ABCG2: variants seen among roughly 807,000 people sequenced by gnomAD.
ABCG2 encodes ATP binding cassette subfamily G member 2 (JR blood group), also known as broad substrate specificity ATP-binding cassette transporter ABCG2.
In ABCG2, 80 loss-of-function variants were observed where a neutral mutation model predicts 73.5. That is an observed-to-expected ratio of 1.09 (90% CI 0.91 to 1.31). The LOEUF is 1.31. Ranked by LOEUF, ABCG2 falls within the 50% of genes most tolerant of loss-of-function variation. The pLI, the probability that ABCG2 is intolerant of heterozygous loss-of-function variation, is 0.00. For synonymous variants in ABCG2, 269 were observed against 282.4 expected (o/e 0.95, Z 0.48); for missense variants, 796 against 786.2 (o/e 1.01, Z -0.15).
chr4:88,093,358 G>A lies in ABCG2; in HGVS notation c.1821-977C>T, dbSNP rs577785895. On this transcript the variant is annotated intron_variant, in intron 15 of 15. Coordinates refer to ENST00000237612, the MANE Select transcript of ABCG2 (RefSeq NM_004827.3). ...TCTCTACTAAAAATACAAAAAATTA[G>A]CCAGGTGTGGTGGTGGGCACCTGTA... Among the ~76,000 whole-genome samples, 7 of 152,136 alleles carry A rather than the reference G, an allele frequency of 4.6e-5. No homozygotes were observed. The East Asian group carries it at 1.4e-3, about 29-fold the overall frequency.
chr4:88,140,929 A>G (rs1725594983), intron 1 of ABCG2, among the ~76,000 whole-genome samples: 1 of 152,202 alleles, frequency 6.6e-6, no homozygotes, highest in Non-Finnish European at 1.5e-5. Flanking sequence ...ATTTAAAACA[A>G]AAAAGAATAT....
At chr4:88,147,054 G>GAAAGAAAGAAAGAAAGAAAA (rs1560713877) in intron 1 of ABCG2, among the ~76,000 whole-genome samples, 14 of 82,254 alleles carry the variant, frequency 1.7e-4, no homozygotes, top group African/African-American at 7.4e-4. Context: ...AGAAAAGAAA[G>GAAAGAAAGAAAGAAAGAAAA]GTAAAGGAAA....
intron 1 of ABCG2, among the ~76,000 whole-genome samples, chr4:88,211,363 A>ACCCCCC (rs34198736): frequency 8.4e-5 from 4 of 47,546 alleles, no homozygotes; most frequent in Non-Finnish European, 1.6e-4. Flanking sequence ...CCCCTGCCCC[A>ACCCCCC]CCCCCCCCCA....
At chr4:88,218,365 T>G (rs1321938039) in intron 1 of ABCG2, among the ~76,000 whole-genome samples, 5 of 152,226 alleles carry the variant, frequency 3.3e-5, no homozygotes, top group African/African-American at 1.2e-4. Flanking sequence ...GTATTTCTAT[T>G]TCATTCACTG....
At chr4:88,206,545 T>C (rs1422083399) in intron 1 of ABCG2, 1 of 152,198 alleles carries the variant, frequency 6.6e-6, no homozygotes, top group Non-Finnish European at 1.5e-5. Flanking sequence ...TGTCCTTTCA[T>C]ACAACACTCC....
intron 5 of ABCG2, among the ~76,000 whole-genome samples, chr4:88,130,644 A>G (rs1477901387): frequency 6.6e-6 from 1 of 152,132 alleles, no homozygotes; most frequent in Non-Finnish European, 1.5e-5. Flanking sequence ...GACTCTCATC[A>G]CTTATCAATC....
At chr4:88,126,797 A>G (rs1280012950) in intron 5 of ABCG2, among the ~76,000 whole-genome samples, 1 of 152,208 alleles carries the variant, frequency 6.6e-6, no homozygotes, top group East Asian at 1.9e-4. Flanking sequence ...AGAGCTATTT[A>G]TGACAAACCC....
At chr4:88,112,056 A>G (rs1723168800) in intron 9 of ABCG2, among the ~76,000 whole-genome samples, 1 of 151,718 alleles carries the variant, frequency 6.6e-6, no homozygotes, top group Admixed American at 6.6e-5. Context: ...ACTGCACTCC[A>G]GTATGAGTGA....
chr4:88,173,099 T>C (rs2110094512), intron 1 of ABCG2, among the ~76,000 whole-genome samples: 1 of 152,334 alleles, frequency 6.6e-6, no homozygotes, highest in South Asian at 2.1e-4. Context: ...TTTCTAACAC[T>C]GCAATATTGC....
At chr4:88,153,809 A>G (rs998618156) in intron 1 of ABCG2, among the ~76,000 whole-genome samples, 1 of 152,140 alleles carries the variant, frequency 6.6e-6, no homozygotes, top group Non-Finnish European at 1.5e-5. Flanking sequence ...CTAATTTGCC[A>G]GTCCTGGGCA....
chr4:88,197,997 T>C (rs1413737353), intron 1 of ABCG2, among the ~76,000 whole-genome samples: 5 of 143,840 alleles, frequency 3.5e-5, no homozygotes, highest in African/African-American at 1.3e-4. Flanking sequence ...ACCACTGCAC[T>C]CCAGCCTGAG....
At chr4:88,166,586 G>A (rs1258777656) in intron 1 of ABCG2, among the ~76,000 whole-genome samples, 1 of 152,148 alleles carries the variant, frequency 6.6e-6, no homozygotes, top group Non-Finnish European at 1.5e-5. Context: ...ATGAGACATA[G>A]AGCTCGCACA....
At chr4:88,153,580 C>T (rs1049147510) in intron 1 of ABCG2, among the ~76,000 whole-genome samples, 2 of 150,262 alleles carry the variant, frequency 1.3e-5, no homozygotes, top group African/African-American at 2.4e-5. Context: ...ACCAAGAGCC[C>T]GAAAAACTGC....
At chr4:88,181,747 T>G (rs1728262433) in intron 1 of ABCG2, among the ~76,000 whole-genome samples, 1 of 152,066 alleles carries the variant, frequency 6.6e-6, no homozygotes, top group South Asian at 2.1e-4. Context: ...TATATATTAT[T>G]TGCAAGCCTC....
chr4:88,176,551 G>A (rs538000640), intron 1 of ABCG2, among the ~76,000 whole-genome samples: 3 of 135,604 alleles, frequency 2.2e-5, no homozygotes, highest in African/African-American at 8.5e-5. Context: ...CCCAGTTACA[G>A]CACACTACAG....
At chr4:88,190,756 C>CT (rs1023163895) in intron 1 of ABCG2, among the ~76,000 whole-genome samples, 3 of 152,216 alleles carry the variant, frequency 2.0e-5, no homozygotes, top group East Asian at 1.9e-4. Flanking sequence ...ATAGTATAGA[C>CT]TTTTTTCCCA....
chr4:88,222,475 A>C (rs1269504459), intron 1 of ABCG2, among the ~76,000 whole-genome samples: 1 of 152,160 alleles, frequency 6.6e-6, no homozygotes, highest in African/African-American at 2.4e-5. Context: ...GTTTAAAAAA[A>C]ATAGAAGTTT....
intron 1 of ABCG2, among the ~76,000 whole-genome samples, chr4:88,140,491 G>A (rs1041461423): frequency 5.9e-5 from 9 of 152,022 alleles, no homozygotes; most frequent in African/African-American, 1.9e-4. Flanking sequence ...GTGTGGTGGC[G>A]TGTGCCTGTA....
upstream of ABCG2, among the ~76,000 whole-genome samples, chr4:88,162,990 T>C (rs1394734272): frequency 6.6e-6 from 1 of 152,214 alleles, no homozygotes; most frequent in Non-Finnish European, 1.5e-5. Flanking sequence ...GCTACATTTC[T>C]TAGTGCTTAC....
Sources: allele counts gnomAD v4.1 joint callset (sites outside exome capture counted in the v4.1 genomes callset), GRCh38; gene constraint gnomAD v4.1.1; transcripts MANE v1.5; gene names NCBI Gene and HGNC (gene_info 2026-07-23, HGNC 2026-07-21).